The following KDM4C variants were observed in gnomAD, a reference collection of about 807,000 sequenced individuals.
KDM4C encodes the protein lysine demethylase 4C.
A neutral mutation model predicts 129.3 loss-of-function variants in KDM4C; 81 were observed. That is an observed-to-expected ratio of 0.63 (90% CI 0.52 to 0.75). The LOEUF (loss-of-function observed/expected upper bound fraction) is 0.75, where lower values mean the gene tolerates loss of function less well. Among genes scored for constraint, KDM4C ranks in the 30% least tolerant of loss-of-function variants. The pLI, the probability that KDM4C is intolerant of heterozygous loss-of-function variation, is 0.00. For synonymous variants in KDM4C, 573 were observed against 456.1 expected (o/e 1.26, Z -3.26); for missense variants, 1,457 against 1,304.0 (o/e 1.12, Z -1.81).
At chr9:6,872,956 C>T (rs964949372) in intron 5 of KDM4C, among the ~76,000 whole-genome samples, 2 of 152,100 alleles carry the variant, frequency 1.3e-5, no homozygotes, top group African/African-American at 4.8e-5. Flanking sequence ...GACAGAGTTT[C>T]GCTCTTGTGG....
intron 8 of KDM4C, among the ~76,000 whole-genome samples, chr9:6,896,472 A>AAT (rs147956009): frequency 0.01 from 1,547 of 148,852 alleles, 22 homozygotes; most frequent in African/African-American, 0.034. Flanking sequence ...AACACTATGA[A>AAT]ATATATATAT....
intron 18 of KDM4C, among the ~76,000 whole-genome samples, chr9:7,107,554 C>G (rs770403478): frequency 6.6e-6 from 1 of 152,180 alleles, no homozygotes; most frequent in Non-Finnish European, 1.5e-5. Flanking sequence ...TGTAGCAGCA[C>G]CAGAATCACT....
chr9:6,841,649 T>G (rs1223585783), intron 4 of KDM4C, among the ~76,000 whole-genome samples: 2 of 152,214 alleles, frequency 1.3e-5, no homozygotes, highest in African/African-American at 2.4e-5. Flanking sequence ...TGGAAGTGTT[T>G]CAGTAATCAT....
intron 21 of KDM4C, among the ~76,000 whole-genome samples, chr9:7,171,721 A>T (rs914779854): frequency 6.6e-6 from 1 of 152,160 alleles, no homozygotes; most frequent in Non-Finnish European, 1.5e-5. Flanking sequence ...TCGCTCAGAT[A>T]CCAGGATGCC....
chr9:6,929,883 A>G (rs192151774), intron 8 of KDM4C, among the ~76,000 whole-genome samples: 291 of 152,222 alleles, frequency 1.9e-3, no homozygotes, highest in African/African-American at 6.7e-3. Context: ...GATTTCTACA[A>G]CCCTCTGCCA....
At chr9:7,048,447 C>T (rs977537534) in intron 16 of KDM4C, among the ~76,000 whole-genome samples, 3 of 151,932 alleles carry the variant, frequency 2.0e-5, no homozygotes, top group African/African-American at 4.8e-5. Flanking sequence ...TGGGATATAA[C>T]ATTTATGAGA....
chr9:7,130,740 G>T (rs908206455), intron 19 of KDM4C, among the ~76,000 whole-genome samples: 7 of 152,048 alleles, frequency 4.6e-5, no homozygotes, highest in Non-Finnish European at 8.8e-5. Flanking sequence ...CTAAATGTGG[G>T]TGAATAGTAA....
intron 8 of KDM4C, among the ~76,000 whole-genome samples, chr9:6,949,725 G>A (rs1827763122): frequency 6.6e-6 from 1 of 152,198 alleles, no homozygotes; most frequent in African/African-American, 2.4e-5. Context: ...GCCTGCAATC[G>A]CAGGCACTCA....
intron 18 of KDM4C, among the ~76,000 whole-genome samples, chr9:7,107,994 T>C (rs1360538744): frequency 1.3e-5 from 2 of 152,224 alleles, no homozygotes; most frequent in African/African-American, 4.8e-5. Context: ...CTTGTATTTA[T>C]TGAGCATCTT....
chr9:6,953,162 G>A (rs1405617176), intron 8 of KDM4C, among the ~76,000 whole-genome samples: 2 of 152,078 alleles, frequency 1.3e-5, no homozygotes, highest in Admixed American at 6.5e-5. Context: ...GTTCATTTTA[G>A]CTTATTTTAT....
intron 12 of KDM4C, among the ~76,000 whole-genome samples, chr9:7,000,381 A>T (rs1201319197): frequency 1.3e-5 from 2 of 152,238 alleles, no homozygotes; most frequent in South Asian, 2.1e-4. Context: ...TTTCTAAACA[A>T]TGATTAGCAT....
chr9:6,819,436 C>G lies in KDM4C; in HGVS notation c.435+4691C>G, dbSNP rs146275897. On this transcript the variant is annotated intron_variant, in intron 4 of 21. Coordinates refer to ENST00000381309, the MANE Select transcript of KDM4C (RefSeq NM_015061.6). ...ACACGCAGTTTTAAAACATCCTCAT[C>G]GTTTACAGGTTTTAGAGCTGGGAAT... Among the ~76,000 whole-genome samples, 1,466 of 152,282 alleles carry G rather than the reference C, an allele frequency of 9.6e-3. 12 individuals carry two copies. The highest frequency in any genetic ancestry group is 0.029 in the African/African-American group (1,225 of 41,546).
intron 17 of KDM4C, among the ~76,000 whole-genome samples, chr9:7,098,302 G>A (rs751151281): frequency 3.3e-5 from 5 of 152,052 alleles, no homozygotes; most frequent in Admixed American, 1.3e-4. Flanking sequence ...GCCTTTCCCT[G>A]CTACTTGACT....
At chr9:6,865,403 A>G (rs563291921) in intron 5 of KDM4C, among the ~76,000 whole-genome samples, 4 of 152,304 alleles carry the variant, frequency 2.6e-5, no homozygotes, top group African/African-American at 7.2e-5. Context: ...ATTCCTGATC[A>G]GAGAGCTTAC....
chr9:6,805,021 C>T (rs925206739), intron 2 of KDM4C, among the ~76,000 whole-genome samples: 1 of 152,026 alleles, frequency 6.6e-6, no homozygotes, highest in African/African-American at 2.4e-5. Flanking sequence ...CTGCCTCAGC[C>T]TCCCGGGTAG....
chr9:7,054,406 G>T (rs974551918), intron 17 of KDM4C, among the ~76,000 whole-genome samples: 1 of 152,112 alleles, frequency 6.6e-6, no homozygotes, highest in Non-Finnish European at 1.5e-5. Context: ...ATTGTGCACA[G>T]ACAAAAACAA....
chr9:6,750,020 C>T (rs1452132031), intron 1 of KDM4C, among the ~76,000 whole-genome samples: 1 of 142,038 alleles, frequency 7.0e-6, no homozygotes, highest in Non-Finnish European at 1.5e-5. Flanking sequence ...AAAAGAGTAA[C>T]CTAAAGCCAG....
intron 18 of KDM4C, chr9:7,105,389 A>G (rs1456340353): frequency 4.3e-6 from 2 of 467,026 alleles, no homozygotes; most frequent in Non-Finnish European, 4.5e-6. Context: ...CCACCTCACC[A>G]TGTTGTTTTC....
At chr9:6,851,180 T>G (rs1235069588) in intron 5 of KDM4C, among the ~76,000 whole-genome samples, 1 of 152,180 alleles carries the variant, frequency 6.6e-6, no homozygotes, top group Non-Finnish European at 1.5e-5. Context: ...AGTCTTAGTG[T>G]GTTGTCCAGG....
Sources: gnomAD v4.1 joint callset for allele counts (sites outside exome capture counted in the v4.1 genomes callset) on GRCh38, gnomAD v4.1.1 for gene constraint, MANE v1.5 for transcripts, NCBI Gene and HGNC (gene_info 2026-07-23, HGNC 2026-07-21) for gene names.